The following ADAM18 variants were observed in gnomAD, a reference collection of about 807,000 sequenced individuals.
ADAM18 encodes the protein ADAM metallopeptidase domain 18.
ADAM18 carries 117 observed loss-of-function variants against 94.4 expected under a neutral mutation model. That is an observed-to-expected ratio of 1.24 (90% CI 1.07 to 1.45). ADAM18 has a LOEUF of 1.45. ADAM18 is among the 40% of genes most tolerant of loss of function. The probability of loss-of-function intolerance (pLI) is 0.00; values close to 1 mark genes in which losing one functional copy is unlikely to be tolerated. For missense variants in ADAM18, 936 were observed against 880.0 expected, an observed-to-expected ratio of 1.06 and a Z score of -0.81; for synonymous variants, 327 against 291.6, an observed-to-expected ratio of 1.12 and a Z score of -1.24.
rs370962614 is a variant in ADAM18, at chr8:39,729,928, C to T, written c.2208C>T (p.Asp736=). ...CATCCGTTGTATCAGAAAGCGATGA[C>T]GTGGGACATTAATATTGCACAGAAC... ...RNSSVVSESD[D]VGH Residue 736 remains aspartate (D), a synonymous_variant, in exon 20 of 20, where the codon GAC becomes GAT. Coordinates refer to ENST00000265707, the MANE Select transcript of ADAM18 (RefSeq NM_014237.3). 2.0e-4 allele frequency: 315 copies of T among 1,613,070 alleles called. 4 individuals carry two copies. In the South Asian group the frequency reaches 2.7e-3, roughly 14 times the overall value.
intron 18 of ADAM18, among the ~76,000 whole-genome samples, chr8:39,716,086 C>T (rs554985426): frequency 1.1e-3 from 168 of 151,914 alleles, no homozygotes; most frequent in Non-Finnish European, 2.0e-3. Context: ...TTTGCATTTT[C>T]TCTCTCTCTT....
rs267601916 is a variant in ADAM18 at position 39,610,692 on chromosome 8, C to T, written c.508C>T (p.Pro170Ser). 6.2e-7 allele frequency: 1 copy of T among 1,612,732 alleles called. No individual in the cohort carries two copies. The highest frequency in any genetic ancestry group is 8.5e-7 in the Non-Finnish European group (1 of 1,179,362). ...GCAGAAAGACCAGCCCTACAAAGTTCCTTTAAACTCACAGGTGACTGTCAT... is the reference window on the plus strand; with the variant it reads ...GCAGAAAGACCAGCCCTACAAAGTTTCTTTAAACTCACAGGTGACTGTCAT... Reference protein sequence around the residue: ...IWQKDQPYKVPLNSQIKNLSK... With the variant: ...IWQKDQPYKVSLNSQIKNLSK... The change falls in exon 6 of 20, where the codon CCT becomes TCT. Residue 170 changes from proline (P) to serine (S), a missense_variant. Coordinates refer to ENST00000265707, the MANE Select transcript of ADAM18 (RefSeq NM_014237.3).
chr8:39,711,452 C>G (rs572916301), intron 18 of ADAM18, among the ~76,000 whole-genome samples: 1 of 152,120 alleles, frequency 6.6e-6, no homozygotes, highest in East Asian at 1.9e-4. Context: ...ATCAGACTTA[C>G]AACGGCTTTA....
At chr8:39,598,865 G>A in intron 2 of ADAM18, among the ~76,000 whole-genome samples, 1 of 151,596 alleles carries the variant, frequency 6.6e-6, no homozygotes, top group East Asian at 1.9e-4. Flanking sequence ...AGGCTGGAGT[G>A]CCGTGGTGCG....
intron 2 of ADAM18, among the ~76,000 whole-genome samples, chr8:39,595,716 G>T (rs1818721484): frequency 6.6e-6 from 1 of 152,020 alleles, no homozygotes; most frequent in Non-Finnish European, 1.5e-5. Context: ...TGGAGATGGG[G>T]TTTCACCATG....
chr8:39,728,199 C>A (rs1435937420), intron 19 of ADAM18, among the ~76,000 whole-genome samples: 2 of 152,146 alleles, frequency 1.3e-5, no homozygotes, highest in South Asian at 2.1e-4. Flanking sequence ...CAGGCACCAC[C>A]TCTAGCACTG....
chr8:39,663,933 A>G, intron 13 of ADAM18, 43 bp downstream of exon 13: 1 of 1,311,786 alleles, frequency 7.6e-7, no homozygotes, highest in South Asian at 1.2e-5. Context: ...AACTGTGGTA[A>G]GAGACGTCTG....
intron 6 of ADAM18, among the ~76,000 whole-genome samples, chr8:39,628,270 A>G (rs1819828784): frequency 6.6e-6 from 1 of 152,016 alleles, no homozygotes; most frequent in Non-Finnish European, 1.5e-5. Context: ...ATATTGAAAA[A>G]AAATGAGAGT....
chr8:39,647,904 G>T (rs1033778663), intron 11 of ADAM18, among the ~76,000 whole-genome samples: 1 of 152,142 alleles, frequency 6.6e-6, no homozygotes, highest in African/African-American at 2.4e-5. Flanking sequence ...CAAAGCAATT[G>T]TTTAAGGTAC....
At chr8:39,624,242 G>C (rs1410663274) in intron 6 of ADAM18, among the ~76,000 whole-genome samples, 1 of 152,178 alleles carries the variant, frequency 6.6e-6, no homozygotes, top group African/African-American at 2.4e-5. Context: ...GTCCAGAAGA[G>C]TTTTTCCTAA....
intron 4 of ADAM18, 150 bp from the exon 5 acceptor site, chr8:39,609,335 T>C (rs572040409): frequency 1.4e-6 from 1 of 690,770 alleles, no homozygotes; most frequent in African/African-American, 1.8e-5. Context: ...AAGAGAATTG[T>C]CACAAATCTT....
At chr8:39,724,090 C>G (rs914790971) in intron 19 of ADAM18, 183 bp downstream of exon 19, 1 of 422,410 alleles carries the variant, frequency 2.4e-6, no homozygotes, top group Non-Finnish European at 3.9e-6. Context: ...AGCCAAAATT[C>G]TCAATGTTCT....
chr8:39,669,651 T>A (rs982536921), intron 14 of ADAM18, among the ~76,000 whole-genome samples: 1 of 152,086 alleles, frequency 6.6e-6, no homozygotes, highest in African/African-American at 2.4e-5. Flanking sequence ...AACTCATCAT[T>A]TTTTATGGCT....
intron 7 of ADAM18, among the ~76,000 whole-genome samples, chr8:39,633,142 C>T (rs374707830): frequency 6.6e-6 from 1 of 152,176 alleles, no homozygotes; most frequent in Non-Finnish European, 1.5e-5. Flanking sequence ...TTCTCAGCCT[C>T]TAGGACTATG....
intron 4 of ADAM18, 53 bp from the exon 5 acceptor site, chr8:39,609,432 C>A (rs530004980): frequency 1.6e-6 from 2 of 1,238,978 alleles, no homozygotes; most frequent in Admixed American, 1.7e-5. Flanking sequence ...TTTGACAATA[C>A]ATTTTTTATT....
intron 6 of ADAM18, among the ~76,000 whole-genome samples, chr8:39,621,685 A>G (rs1819619144): frequency 6.6e-6 from 1 of 152,192 alleles, no homozygotes; most frequent in Non-Finnish European, 1.5e-5. Flanking sequence ...CTAAATGCCC[A>G]TCAGTAATAC....
At chr8:39,616,286 T>C (rs6474160) in intron 6 of ADAM18, among the ~76,000 whole-genome samples, 1,839 of 151,860 alleles carry the variant, frequency 0.012, 37 homozygotes, top group African/African-American at 0.043. Context: ...TGTATTCCCA[T>C]GTATTCCCAG....
chr8:39,642,132 T>G (rs1820254932), intron 10 of ADAM18, among the ~76,000 whole-genome samples: 2 of 152,154 alleles, frequency 1.3e-5, no homozygotes, highest in Non-Finnish European at 2.9e-5. Flanking sequence ...CTAGTAAATT[T>G]CCTTAAGTTC....
At chr8:39,724,935 C>A (rs1822859324) in intron 19 of ADAM18, among the ~76,000 whole-genome samples, 1 of 110,146 alleles carries the variant, frequency 9.1e-6, no homozygotes, top group Non-Finnish European at 1.8e-5. Context: ...TGATTTCAAT[C>A]ATTGTAAATT....
Sources: gnomAD v4.1 joint callset for allele counts (sites outside exome capture counted in the v4.1 genomes callset) on GRCh38, gnomAD v4.1.1 for gene constraint, MANE v1.5 for transcripts, NCBI Gene and HGNC (gene_info 2026-07-23, HGNC 2026-07-21) for gene names.